KCNH6: variants seen among roughly 807,000 people sequenced by gnomAD.
KCNH6 encodes potassium voltage-gated channel subfamily H member 6.
In KCNH6, 81 loss-of-function variants were observed where a neutral mutation model predicts 83.4. The observed-to-expected ratio is 0.97, with a 90% CI of 0.81 to 1.17. The LOEUF (loss-of-function observed/expected upper bound fraction) is 1.17, where lower values mean the gene tolerates loss of function less well. Among genes scored for constraint, KCNH6 ranks in the 50% most tolerant of loss-of-function variants. The pLI is 0.00. For synonymous variants in KCNH6, 503 were observed against 545.6 expected (o/e 0.92, Z 1.09); for missense variants, 1,203 against 1,290.5 (o/e 0.93, Z 1.04).
intron 8 of KCNH6, among the ~76,000 whole-genome samples, chr17:63,539,413 C>T (rs1205541949): frequency 1.3e-5 from 2 of 152,154 alleles, no homozygotes; most frequent in Non-Finnish European, 2.9e-5. Flanking sequence ...GCCTGCTCCT[C>T]GCTCCCACGG....
Position 63,535,533 on chromosome 17 carries a change from C to G in KCNH6, c.1102-136C>G. The G allele has an allele frequency of 1.3e-6, 1 of 768,196 alleles. No homozygotes were observed. The highest frequency in any genetic ancestry group is 2.7e-5 in the East Asian group (1 of 37,702). The allele number at this position is 768,196 out of a possible 1,614,324, so 47.6% of individuals were successfully genotyped here. On this transcript the variant is annotated intron_variant, in intron 5 of 12. Transcript: ENST00000314672. This position sits in a 1 kb window ranked among gnomAD's most constrained non-coding sequence, Gnocchi z 4.9. Reference sequence around the variant, plus strand: ...CCATACTGTGCCACACTGCCAAGTGCGTGGCCCGGAGGAAGTTCTCCATAA... The same window carrying G: ...CCATACTGTGCCACACTGCCAAGTGGGTGGCCCGGAGGAAGTTCTCCATAA...
In KCNH6 at chr17:63,538,479, C is replaced by G. The variant is rs369688973; in HGVS notation, c.1771C>G (p.His591Asp). 1 of 1,604,472 alleles carries G rather than the reference C, an allele frequency of 6.2e-7. No homozygotes were observed. Among genetic ancestry groups the G allele is most frequent in the South Asian group, 1.1e-5 (1 of 89,928 alleles). Residue 591 changes from histidine to aspartate, a missense_variant, in exon 8 of 13, where the codon CAC becomes GAC. By Grantham distance (81) the His-to-Asp change is moderately conservative. Transcript: ENST00000314672. This position sits in a 1 kb window ranked among gnomAD's most constrained non-coding sequence, Gnocchi z 4.0. ...CLHLHRALLQ[H>D]CPAFSGAGKG... Reference sequence around the variant, plus strand: ...GCACCTGCACCGCGCACTGCTGCAGCACTGCCCAGCTTTCAGCGGCGCCGG... The same window carrying G: ...GCACCTGCACCGCGCACTGCTGCAGGACTGCCCAGCTTTCAGCGGCGCCGG...
intron 11 of KCNH6, 152 bp downstream of exon 11, chr17:63,544,563 A>T (rs73332048): frequency 3.2e-6 from 2 of 617,070 alleles, no homozygotes; most frequent in Non-Finnish European, 5.0e-6. Flanking sequence ...AATTCCCCCA[A>T]TGACTTCCCC....
chr17:63,545,534 A>G, intron 12 of KCNH6, 75 bp from the exon 13 acceptor site: 4 of 1,495,364 alleles, frequency 2.7e-6, no homozygotes, highest in Non-Finnish European at 3.6e-6. Flanking sequence ...TTTTTGCCTG[A>G]TCCCATCCCT....
rs551833451 is a variant in KCNH6, at chr17:63,533,642, C to T, written c.676-244C>T. On this transcript the variant is annotated intron_variant, in intron 4 of 12. Coordinates refer to ENST00000314672, the MANE Select transcript of KCNH6 (RefSeq NM_001278919.2). The surrounding 1 kb of genome is among the most constrained non-coding windows in gnomAD (Gnocchi z 4.1). ...CATCAAACCTGGTGTCGCTATGGGG[C>T]GGAGCCATACCCCTCCTCTTGCATC... Among the ~76,000 whole-genome samples the T allele has an allele frequency of 4.6e-5, 7 of 152,198 alleles. No individual in the cohort carries two copies. In the East Asian group the frequency reaches 9.7e-4, roughly 21 times the overall value.
In KCNH6 at chr17:63,543,595, C is replaced by T. The variant is rs188290086; in HGVS notation, c.2168C>T (p.Ser723Leu). 5.3e-4 allele frequency: 849 copies of T among 1,612,050 alleles called. 5 individuals are homozygous for T. The Admixed American group carries it at 0.012, about 23-fold the overall frequency. Residue 723 changes from serine to leucine, a missense_variant, in exon 10 of 13, where the codon TCA (serine) becomes TTA (leucine). By Grantham distance (145) the Ser-to-Leu change is moderately radical (BLOSUM62 -2). Transcript: ENST00000314672. The stretch of plus-strand genomic sequence containing the variant: ...CATAAGGCAGCCGGGGGTCTCCACT[C>T]ATCCCCCCGACAGGCTCCTGGCAGC... ...NLRDAAGGLH[S>L]SPRQAPGSQD... is the part of the protein sequence containing the mutation.
rs1300693849 is a variant in KCNH6, at chr17:63,545,034, A to G, written c.2397-44A>G. 1.9e-6 allele frequency: 3 copies of G among 1,592,686 alleles called. No homozygotes were observed. In the South Asian group the frequency reaches 3.3e-5, roughly 18 times the overall value. ...AGATTGACAGCTGCCCTCAGGAACT[A>G]CTTTTGCCAGCCCTGACCCTGACTG... On this transcript the variant is annotated intron_variant, in intron 11 of 12. Coordinates refer to ENST00000314672, the MANE Select transcript of KCNH6 (RefSeq NM_001278919.2).
intron 4 of KCNH6, among the ~76,000 whole-genome samples, chr17:63,532,103 G>T (rs2032157019): frequency 6.6e-6 from 1 of 152,150 alleles, no homozygotes; most frequent in Non-Finnish European, 1.5e-5. Context: ...GCTGGCTTTG[G>T]AGGCAGTGGG....
chr17:63,526,011 C>T (rs2031688478), intron 2 of KCNH6, among the ~76,000 whole-genome samples: 1 of 152,210 alleles, frequency 6.6e-6, no homozygotes, highest in South Asian at 2.1e-4. Flanking sequence ...TTGAGGTCCC[C>T]TCAGCACCCT....
At chr17:63,540,967 C>T (rs1474102464) in intron 8 of KCNH6, among the ~76,000 whole-genome samples, 1 of 152,206 alleles carries the variant, frequency 6.6e-6, no homozygotes, top group Non-Finnish European at 1.5e-5. Context: ...TCTGTAAGCC[C>T]CCTCCTCTCT....
chr17:63,529,476 A>C (rs2031936996), intron 2 of KCNH6, among the ~76,000 whole-genome samples: 1 of 152,200 alleles, frequency 6.6e-6, no homozygotes, highest in African/African-American at 2.4e-5. Context: ...GTGTCCTGCA[A>C]ACCCAGGGAT....
Position 63,535,703 on chromosome 17 carries a change from G to C in KCNH6, c.1136G>C (p.Arg379Pro), listed in dbSNP as rs779809321. Residue 379 changes from arginine to proline, a missense_variant, in exon 6 of 13, where the codon CGG (arginine) becomes CCG (proline). Coordinates refer to ENST00000314672, the MANE Select transcript of KCNH6 (RefSeq NM_001278919.2). This position sits in a 1 kb window ranked among gnomAD's most constrained non-coding sequence, Gnocchi z 4.9. ...TTLIGLLKTA[R>P]LLRLVRVARK... ...CTGATTGGGCTATTGAAGACAGCGC[G>C]GCTGCTGCGGCTGGTGCGCGTAGCA... The C allele has an allele frequency of 1.9e-6, 3 of 1,612,568 alleles. No individual in the cohort carries two copies. The highest frequency in any genetic ancestry group is 2.5e-6 in the Non-Finnish European group (3 of 1,179,368).
In KCNH6 at chr17:63,524,168, A is replaced by T; in HGVS notation, c.106A>T (p.Met36Leu). ...GAAGTTCCTGATTGCCAATGCTCAG[A>T]TGGAGAACTGCGCCATCATTTACTG... ...SRKFLIANAQ[M>L]ENCAIIYCND... Residue 36 changes from methionine (M) to leucine (L), a missense_variant, in exon 2 of 13, where the codon ATG becomes TTG. Transcript: ENST00000314672. 6.2e-7 allele frequency: 1 copy of T among 1,614,100 alleles called. No homozygotes were observed. Among genetic ancestry groups the T allele is most frequent in the Non-Finnish European group, 8.5e-7 (1 of 1,179,990 alleles).
chr17:63,538,248 G>A lies in KCNH6; in HGVS notation c.1685G>A (p.Gly562Asp). ...YFQHAWSYTN[G>D]IDMNAVLKGF... ...CAGCACGCCTGGTCCTACACCAATG[G>A]CATTGACATGAACGCGGTGAGCCCC... is the stretch of plus-strand genomic sequence containing the variant. The change falls in exon 7 of 13, where the codon GGC becomes GAC. Residue 562 changes from glycine to aspartate, a missense_variant. By Grantham distance (94) the Gly-to-Asp change is moderately conservative. Transcript: ENST00000314672. This position sits in a 1 kb window ranked among gnomAD's most constrained non-coding sequence, Gnocchi z 4.0. The A allele has an allele frequency of 3.7e-6, 6 of 1,614,134 alleles. No homozygotes were observed. The highest frequency in any genetic ancestry group is 5.1e-6 in the Non-Finnish European group (6 of 1,180,026).
chr17:63,547,304 G>GCAGGAGGACTGCTTGAGGC (rs2033167406), downstream of KCNH6, among the ~76,000 whole-genome samples: 1 of 152,220 alleles, frequency 6.6e-6, no homozygotes. Context: ...GGAGGATGAG[G>GCAGGAGGACTGCTTGAGGC]CAGGAGGACT....
chr17:63,523,997 T>C lies in KCNH6; in HGVS notation c.77-142T>C. Reference sequence around the variant, plus strand: ...CTAGTCTTCCCACAATCCCCAGGCCTGACTCCCTCCCTCATTCCGGTCACT... The same window carrying C: ...CTAGTCTTCCCACAATCCCCAGGCCCGACTCCCTCCCTCATTCCGGTCACT... On this transcript the variant is annotated intron_variant, in intron 1 of 12. Transcript: ENST00000314672. The surrounding 1 kb of genome is among the most constrained non-coding windows in gnomAD (Gnocchi z 4.2). 1.4e-6 allele frequency: 1 copy of C among 705,844 alleles called. No homozygotes were observed. The allele number at this position is 705,844 out of a possible 1,614,324, so 43.7% of individuals were successfully genotyped here.
rs761454186 is a variant in KCNH6 at position 63,545,106 on chromosome 17, A to G, written c.2425A>G (p.Ser809Gly). The G allele has an allele frequency of 6.2e-6, 10 of 1,613,486 alleles. No homozygotes were observed. In the South Asian group the frequency reaches 9.9e-5, roughly 16 times the overall value. ...GGAGTCCCGCGTGTCCTCAGACCTC[A>G]GCCGCATCTTGCAGCTCCTCCAGAA... The part of the protein sequence containing the change: ...RLESRVSSDL[S>G]RILQLLQKPM... The change falls in exon 12 of 13, where the codon AGC (serine) becomes GGC (glycine). Residue 809 changes from serine (S) to glycine (G), a missense_variant. Physicochemically the swap from Ser to Gly is moderately conservative, Grantham distance 56. Coordinates refer to ENST00000314672, the MANE Select transcript of KCNH6 (RefSeq NM_001278919.2).
At chr17:63,537,969 A>G (rs2032604784) in intron 6 of KCNH6, 96 bp from the exon 7 acceptor site, 1 of 1,232,758 alleles carries the variant, frequency 8.1e-7, no homozygotes, top group East Asian at 2.5e-5. Flanking sequence ...GGGGTCCTTC[A>G]CCAGGGGGCT....
In KCNH6 at chr17:63,535,607, G is replaced by A. The variant is rs926635706; in HGVS notation, c.1102-62G>A. On this transcript the variant is annotated intron_variant, in intron 5 of 12. Coordinates refer to ENST00000314672, the MANE Select transcript of KCNH6 (RefSeq NM_001278919.2). This position sits in a 1 kb window ranked among gnomAD's most constrained non-coding sequence, Gnocchi z 4.9. ...TTGTATGCATGAGTGAACAAAAGCA[G>A]GCCTGACTGCACCCTTCCAAGGGCT... 4.7e-6 allele frequency: 7 copies of A among 1,486,294 alleles called. No homozygotes were observed. In the East Asian group the frequency reaches 1.6e-4, roughly 34 times the overall value. The allele number at this position is 1,486,294 out of a possible 1,614,324, so 92.1% of individuals were successfully genotyped here. A position where few individuals can be genotyped will look rare whatever the true frequency, so the allele number is the denominator to read the frequency against.
Sources: allele counts gnomAD v4.1 joint callset (sites outside exome capture counted in the v4.1 genomes callset), GRCh38; gene constraint gnomAD v4.1.1; non-coding constraint Gnocchi (gnomAD v3.1); transcripts MANE v1.5; gene names NCBI Gene and HGNC (gene_info 2026-07-23, HGNC 2026-07-21).